ASCC2: variants seen among roughly 807,000 people sequenced by gnomAD.
ASCC2 encodes ASC-1 complex subunit P100.
Under a neutral mutation model 93.5 loss-of-function variants are expected in ASCC2, and 42 were observed. The observed-to-expected ratio is 0.45, with a 90% CI of 0.35 to 0.58. The LOEUF is 0.58. ASCC2 is among the 20% of genes least tolerant of loss of function. The probability of loss-of-function intolerance (pLI) is 0.00; values close to 1 mark genes in which losing one functional copy is unlikely to be tolerated. For synonymous variants in ASCC2, 364 were observed against 384.2 expected, an observed-to-expected ratio of 0.95 and a Z score of 0.62; for missense variants, 859 against 977.6, an observed-to-expected ratio of 0.88 and a Z score of 1.62.
chr22:29,823,960 G>A (rs2061940280), intron 4 of ASCC2, among the ~76,000 whole-genome samples: 1 of 152,176 alleles, frequency 6.6e-6, no homozygotes, highest in African/African-American at 2.4e-5. Context: ...GGAGGCTGAA[G>A]AGGGAGGACT....
intron 8 of ASCC2, chr22:29,810,110 T>C (rs189403977): frequency 1.3e-5 from 2 of 152,636 alleles, no homozygotes; most frequent in Admixed American, 1.3e-4. Context: ...TGGCCACTGC[T>C]CTTCTCTTCT....
At chr22:29,798,012 C>T (rs993264927) in intron 15 of ASCC2, among the ~76,000 whole-genome samples, 1 of 152,160 alleles carries the variant, frequency 6.6e-6, no homozygotes, top group Non-Finnish European at 1.5e-5. Flanking sequence ...GGTGATCCAC[C>T]CACCTTGGCC....
chr22:29,830,687 C>G (rs2063029309), intron 2 of ASCC2, among the ~76,000 whole-genome samples: 1 of 152,236 alleles, frequency 6.6e-6, no homozygotes, highest in Non-Finnish European at 1.5e-5. Context: ...ACTAGAGAAG[C>G]TACTGGTCTG....
At chr22:29,793,778 C>T in intron 15 of ASCC2, 102 bp from the exon 16 acceptor site, 1 of 1,080,018 alleles carries the variant, frequency 9.3e-7, no homozygotes, top group Non-Finnish European at 1.3e-6. Context: ...CTCCAGCCCT[C>T]AGACTGTCAC....
chr22:29,798,658 A>G (rs530301844), intron 15 of ASCC2, among the ~76,000 whole-genome samples: 1 of 152,318 alleles, frequency 6.6e-6, no homozygotes, highest in East Asian at 1.9e-4. Flanking sequence ...TACCATCTGC[A>G]GCGTCCTACC....
chr22:29,799,709 A>G (rs2058850102), intron 15 of ASCC2, among the ~76,000 whole-genome samples: 1 of 152,198 alleles, frequency 6.6e-6, no homozygotes, highest in African/African-American at 2.4e-5. Context: ...GCTGTTCTCT[A>G]CTTGGATGTT....
chr22:29,822,348 G>T lies in ASCC2; in HGVS notation c.528C>A (p.Leu176=). ...VLFGKGNSPL[L]QKMIGNIFTQ... ...CATCCTACACACCTATCATCTTCTG[G>T]AGCAGTGGTGAGTTGCCTTTTCCAA... Residue 176 remains leucine (L), a synonymous_variant, in exon 5 of 20, where the codon CTC becomes CTA. Coordinates refer to ENST00000307790, the MANE Select transcript of ASCC2 (RefSeq NM_032204.5). 1.2e-6 allele frequency: 2 copies of T among 1,614,002 alleles called. No individual in the cohort carries two copies. Among genetic ancestry groups the T allele is most frequent in the South Asian group, 2.2e-5 (2 of 91,064 alleles).
chr22:29,790,627 T>C (rs536553906), intron 18 of ASCC2, 79 bp from the exon 19 acceptor site: 1 of 1,458,118 alleles, frequency 6.9e-7, no homozygotes, highest in African/African-American at 1.4e-5. Context: ...CCTGCTCAAG[T>C]GAAGCTTGTC....
chr22:29,794,011 G>A (rs1447809182), intron 15 of ASCC2, among the ~76,000 whole-genome samples: 1 of 151,232 alleles, frequency 6.6e-6, no homozygotes, highest in East Asian at 2.0e-4. Flanking sequence ...CGATTCTTCT[G>A]TCTCAGCCTC....
chr22:29,807,660 CAT>C (rs2059829032), intron 9 of ASCC2, among the ~76,000 whole-genome samples: 1 of 152,038 alleles, frequency 6.6e-6, no homozygotes, highest in Admixed American at 6.6e-5. Flanking sequence ...CTACAGAGAA[CAT>C]ATATTTTTTT....
At chr22:29,808,038 G>T in intron 9 of ASCC2, 73 bp downstream of exon 9, 2 of 1,495,480 alleles carry the variant, frequency 1.3e-6, no homozygotes, top group Admixed American at 1.7e-5. Context: ...GGATGCTAAT[G>T]CCCAGGGAAG....
At chr22:29,812,446 A>G (rs373964289) in intron 8 of ASCC2, among the ~76,000 whole-genome samples, 1 of 152,088 alleles carries the variant, frequency 6.6e-6, no homozygotes, top group Non-Finnish European at 1.5e-5. Context: ...CCTGGCTCAT[A>G]TTCTCTTTCA....
At chr22:29,793,117 A>G (rs2057976759) in intron 17 of ASCC2, among the ~76,000 whole-genome samples, 1 of 152,066 alleles carries the variant, frequency 6.6e-6, no homozygotes, top group South Asian at 2.1e-4. Flanking sequence ...CCATCACCGC[A>G]CTCCAGCCTG....
intron 2 of ASCC2, among the ~76,000 whole-genome samples, chr22:29,830,639 G>T (rs949306395): frequency 3.3e-5 from 5 of 152,218 alleles, no homozygotes; most frequent in African/African-American, 1.2e-4. Flanking sequence ...TGCACTCATG[G>T]AACAGCCTAG....
At chr22:29,833,172 T>C (rs958482273) in intron 1 of ASCC2, among the ~76,000 whole-genome samples, 2 of 152,222 alleles carry the variant, frequency 1.3e-5, no homozygotes, top group Admixed American at 6.5e-5. Context: ...GTGAGCTCTA[T>C]GAAGACAATG....
At chr22:29,793,254 G>C (rs2057998051) in intron 17 of ASCC2, 106 bp downstream of exon 17, 1 of 1,498,774 alleles carries the variant, frequency 6.7e-7, no homozygotes, top group Non-Finnish European at 9.1e-7. Flanking sequence ...AGGAGGACTG[G>C]GTTTGGGCCC....
Position 29,802,186 on chromosome 22 carries a change from A to G in ASCC2, c.1376T>C (p.Val459Ala). 6.2e-7 allele frequency: 1 copy of G among 1,614,116 alleles called. No individual in the cohort carries two copies. Among genetic ancestry groups the G allele is most frequent in the South Asian group, 1.1e-5 (1 of 91,086 alleles). ...TTCCACCCCACACATGGCAGGGCCC[A>G]CAGCCGCGGCTGCTCCCATGCACTG... ...EEECMGAAAAVGPAMCGVELD... is the reference protein window; with the variant it reads ...EEECMGAAAAAGPAMCGVELD... Residue 459 changes from valine (V) to alanine (A), a missense_variant, in exon 14 of 20, where the codon GTG (valine) becomes GCG (alanine). Val to Ala is a moderately conservative substitution (Grantham distance 64). Transcript: ENST00000307790.
intron 6 of ASCC2, 145 bp from the exon 7 acceptor site, chr22:29,814,912 T>C: frequency 1.6e-6 from 1 of 638,590 alleles, no homozygotes; most frequent in Non-Finnish European, 2.7e-6. Context: ...CTGAGACAAT[T>C]ACCTTCTCCA....
intron 4 of ASCC2, 130 bp from the exon 5 acceptor site, chr22:29,822,594 C>T (rs2061694078): frequency 9.7e-7 from 1 of 1,026,932 alleles, no homozygotes; most frequent in Non-Finnish European, 1.4e-6. Flanking sequence ...ATGCATAGAC[C>T]TGGAGCAATG....
Sources: gnomAD v4.1 joint callset for allele counts (sites outside exome capture counted in the v4.1 genomes callset) on GRCh38, gnomAD v4.1.1 for gene constraint, MANE v1.5 for transcripts, NCBI Gene and HGNC (gene_info 2026-07-23, HGNC 2026-07-21) for gene names.